DNAAF9: variants seen among roughly 807,000 people sequenced by gnomAD.
DNAAF9 encodes dynein axonemal assembly factor 9, also known as shulin.
In DNAAF9, 90 loss-of-function variants were observed where a neutral mutation model predicts 167.0. The observed-to-expected ratio is 0.54, with a 90% CI of 0.45 to 0.64. The LOEUF (loss-of-function observed/expected upper bound fraction) is 0.64, where lower values mean the gene tolerates loss of function less well. DNAAF9 is among the 30% of genes least tolerant of loss of function. The probability of loss-of-function intolerance (pLI) is 0.00; values close to 1 mark genes in which losing one functional copy is unlikely to be tolerated. For synonymous variants in DNAAF9, 491 were observed against 508.8 expected (o/e 0.96, Z 0.47); for missense variants, 1,315 against 1,442.2 (o/e 0.91, Z 1.43).
intron 31 of DNAAF9, among the ~76,000 whole-genome samples, chr20:3,261,123 C>A (rs1172128608): frequency 6.6e-6 from 1 of 152,040 alleles, no homozygotes; most frequent in Admixed American, 6.6e-5. Context: ...CTCATTACAG[C>A]CTTGACATCT....
chr20:3,344,977 A>G (rs1235515865), intron 8 of DNAAF9, among the ~76,000 whole-genome samples: 1 of 152,176 alleles, frequency 6.6e-6, no homozygotes, highest in Non-Finnish European at 1.5e-5. Context: ...TCATTAGTTA[A>G]CAGTTTATTT....
At chr20:3,290,267 G>C in intron 25 of DNAAF9, 50 bp from the exon 26 acceptor site, 1 of 1,160,574 alleles carries the variant, frequency 8.6e-7, no homozygotes, top group Non-Finnish European at 1.3e-6. Flanking sequence ...ATTGCATTAT[G>C]TAAGAAGAGG....
At chr20:3,317,191 G>A (rs576984387) in intron 17 of DNAAF9, among the ~76,000 whole-genome samples, 9 of 151,546 alleles carry the variant, frequency 5.9e-5, no homozygotes, top group East Asian at 5.8e-4. Context: ...GCAAAACCCC[G>A]TCTCTACAAA....
At chr20:3,301,467 C>T (rs1048634438) in intron 21 of DNAAF9, among the ~76,000 whole-genome samples, 11 of 152,158 alleles carry the variant, frequency 7.2e-5, no homozygotes, top group African/African-American at 1.9e-4. Flanking sequence ...GGATTACAGG[C>T]GTGAGCCACC....
rs778252049 is a variant in DNAAF9, at chr20:3,259,521, G to C, written c.3014C>G (p.Ser1005Cys). 69 of 1,613,140 alleles carry C rather than the reference G, an allele frequency of 4.3e-5. No individual in the cohort carries two copies. Among genetic ancestry groups the C allele is most frequent in the Non-Finnish European group, 5.6e-5 (66 of 1,179,186 alleles). Residue 1005 changes from serine (S) to cysteine (C), a missense_variant, in exon 33 of 37, where the codon TCC (serine) becomes TGC (cysteine). By Grantham distance (112) the Ser-to-Cys change is moderately radical (BLOSUM62 -1). Transcript: ENST00000252032. ...GCCCAGGATGTGGTAGATGTTTCCG[G>C]AGAAGGGACTTGGCTTGATGGAGGA... is the stretch of plus-strand genomic sequence containing the variant. Reference protein sequence around the residue: ...IQSSIKPSPFSGNIYHILGKV... With the variant: ...IQSSIKPSPFCGNIYHILGKV...
intron 7 of DNAAF9, among the ~76,000 whole-genome samples, chr20:3,352,084 G>A (rs970056739): frequency 2.0e-5 from 3 of 152,084 alleles, no homozygotes; most frequent in African/African-American, 7.2e-5. Flanking sequence ...ATAATGAAAA[G>A]TCTTTAAAAG....
At chr20:3,338,775 C>T (rs996923543) in intron 10 of DNAAF9, among the ~76,000 whole-genome samples, 2 of 151,752 alleles carry the variant, frequency 1.3e-5, no homozygotes, top group African/African-American at 2.4e-5. Flanking sequence ...ACCTCAGCCT[C>T]CCTAGTAGCT....
intron 1 of DNAAF9, among the ~76,000 whole-genome samples, chr20:3,384,654 A>G (rs6051820): frequency 0.25 from 37,357 of 151,646 alleles, 5,135 homozygotes; most frequent in African/African-American, 0.36. Flanking sequence ...GATTACAGGC[A>G]TGCACTACCA....
At chr20:3,308,474 C>A (rs767785133) in intron 20 of DNAAF9, among the ~76,000 whole-genome samples, 30 of 151,362 alleles carry the variant, frequency 2.0e-4, no homozygotes, top group Non-Finnish European at 3.5e-4. Flanking sequence ...TCCCAAGTAG[C>A]TGGGATTACA....
chr20:3,390,176 T>C (rs984165105), intron 1 of DNAAF9, among the ~76,000 whole-genome samples: 1 of 152,224 alleles, frequency 6.6e-6, no homozygotes, highest in Non-Finnish European at 1.5e-5. Context: ...TGTAGTAGGA[T>C]GTCCTTTATT....
At position 3,315,630 on chromosome 20, in the gene DNAAF9, A is replaced by C. The variant is rs939171116; in HGVS notation, c.1590+105T>G. ...ATAGGAAGTGAAGACAACATAGTGCAAGTCTTTTAGATTAGTAGTGAGATG... is the reference window on the plus strand; with the variant it reads ...ATAGGAAGTGAAGACAACATAGTGCCAGTCTTTTAGATTAGTAGTGAGATG... On this transcript the variant is annotated intron_variant, in intron 19 of 36. Transcript: ENST00000252032. This position sits in a 1 kb window ranked among gnomAD's most constrained non-coding sequence, Gnocchi z 4.1. 2.2e-6 allele frequency: 2 copies of C among 896,024 alleles called. No homozygotes were observed. Among genetic ancestry groups the C allele is most frequent in the Non-Finnish European group, 3.8e-6 (2 of 533,162 alleles). The allele number at this position is 896,024 out of a possible 1,614,324, so 55.5% of individuals were successfully genotyped here. A position where few individuals can be genotyped will look rare whatever the true frequency, so the allele number is the denominator to read the frequency against.
At chr20:3,307,557 C>T (rs191179843) in intron 20 of DNAAF9, among the ~76,000 whole-genome samples, 361 of 152,124 alleles carry the variant, frequency 2.4e-3, no homozygotes, top group Non-Finnish European at 3.7e-3. Context: ...GCAGCCAACT[C>T]CTGAGGAGAT....
chr20:3,256,148 A>T lies in DNAAF9; in HGVS notation c.3119T>A (p.Val1040Asp), dbSNP rs371119992. ...TGGTGGTGGTGTGGGTCCTTCCAAA[A>T]CTGGCATGATGCTCAAGGAGTTGGC... ...TLANSLSIMP[V>D]LEGPTPPPDS... The change falls in exon 34 of 37, where the codon GTT (valine) becomes GAT (aspartate). Residue 1040 changes from valine (V) to aspartate (D), a missense_variant. Coordinates refer to ENST00000252032, the MANE Select transcript of DNAAF9 (RefSeq NM_001009984.3). The T allele has an allele frequency of 6.2e-7, 1 of 1,613,966 alleles. No homozygotes were observed. The highest frequency in any genetic ancestry group is 1.3e-5 in the African/African-American group (1 of 74,874).
intron 3 of DNAAF9, among the ~76,000 whole-genome samples, 180 bp downstream of exon 3, chr20:3,381,199 G>A (rs975626807): frequency 6.6e-6 from 1 of 152,094 alleles, no homozygotes. Flanking sequence ...AAAACTACTT[G>A]TTGCTACTAA....
At chr20:3,291,871 T>A (rs970690377) in intron 25 of DNAAF9, among the ~76,000 whole-genome samples, 5 of 152,086 alleles carry the variant, frequency 3.3e-5, no homozygotes, top group African/African-American at 1.2e-4. Context: ...GTACTCCATG[T>A]TTATCCTCCT....
chr20:3,310,389 G>GAAAGAAAGAAAGA (rs973030792), intron 20 of DNAAF9, among the ~76,000 whole-genome samples: 6 of 149,744 alleles, frequency 4.0e-5, no homozygotes, highest in Non-Finnish European at 3.0e-5. Context: ...AAGAAAGAAA[G>GAAAGAAAGAAAGA]AATTCCTAAA....
Position 3,294,549 on chromosome 20 carries a change from G to C in DNAAF9, c.2099C>G (p.Ala700Gly), listed in dbSNP as rs1439130686. 6.2e-7 allele frequency: 1 copy of C among 1,611,778 alleles called. No homozygotes were observed. The highest frequency in any genetic ancestry group is 8.5e-7 in the Non-Finnish European group (1 of 1,177,898). ...EKRSSLKLLS[A>G]KLPELDWFLQ... is the part of the protein sequence containing the mutation. ...TTACCAGTCCAGCTCTGGGAGTTTG[G>C]CTGAGAGTAACTTTAGGGAACTCCG... Residue 700 changes from alanine to glycine, a missense_variant, in exon 24 of 37, where the codon GCC becomes GGC. This residue lies in a region of DNAAF9 where 981 missense variants were observed against 1,012.5 expected (regional missense o/e 0.97). Coordinates refer to ENST00000252032, the MANE Select transcript of DNAAF9 (RefSeq NM_001009984.3).
At chr20:3,270,852 G>T (rs373787401) in intron 29 of DNAAF9, among the ~76,000 whole-genome samples, 4 of 140,686 alleles carry the variant, frequency 2.8e-5, no homozygotes, top group Admixed American at 7.4e-5. Flanking sequence ...TCACTCTGTT[G>T]CCCAGGCTGG....
chr20:3,260,881 C>T (rs146397628), intron 31 of DNAAF9, among the ~76,000 whole-genome samples: 4 of 152,292 alleles, frequency 2.6e-5, no homozygotes, highest in African/African-American at 7.2e-5. Context: ...ATCTGCCCAC[C>T]TCAACTTCCC....
Sources: allele counts gnomAD v4.1 joint callset (sites outside exome capture counted in the v4.1 genomes callset), GRCh38; gene constraint gnomAD v4.1.1; regional missense constraint gnomAD v4.1.1; non-coding constraint Gnocchi (gnomAD v3.1); transcripts MANE v1.5; gene names NCBI Gene and HGNC (gene_info 2026-07-23, HGNC 2026-07-21).